Variants in RNF217 observed in about 807,000 individuals in gnomAD.
The protein encoded by RNF217 is E3 ubiquitin-protein ligase RNF217.
A neutral mutation model predicts 57.8 loss-of-function variants in RNF217; 31 were observed. The ratio of observed to expected loss-of-function variants is 0.54; its 90% CI spans 0.40 to 0.72. RNF217 has a LOEUF of 0.72. Ranked by LOEUF, RNF217 falls within the 30% of genes least tolerant of loss-of-function variation. RNF217 has a pLI of 0.00. For missense variants in RNF217, 696 were observed against 708.3 expected (o/e 0.98, Z 0.20); for synonymous variants, 313 against 294.0 (o/e 1.06, Z -0.66).
At position 124,962,732 on chromosome 6, in the gene RNF217, A is replaced by C. The variant is rs760296706; in HGVS notation, c.188A>C (p.Asp63Ala). 9 of 1,561,924 alleles carry C rather than the reference A, an allele frequency of 5.8e-6. No individual in the cohort carries two copies. Among genetic ancestry groups the C allele is most frequent in the Non-Finnish European group, 6.0e-6 (7 of 1,164,286 alleles). ...TGCGGAAGCGACTGGGGCTGCGCGG[A>C]CACCAGCGCCCCAGAGCCCGCGAGG... The part of the protein sequence containing the change: ...GGCGSDWGCA[D>A]TSAPEPARSL... The change falls in exon 1 of 6, where the codon GAC becomes GCC. Residue 63 changes from aspartate (D) to alanine (A), a missense_variant. Asp to Ala is a moderately radical substitution (Grantham distance 126). Around this residue, in one of 2 missense-constraint regions of RNF217, gnomAD observed 465 missense variants for 386.8 expected, o/e 1.20. Transcript: ENST00000521654. This position sits in a 1 kb window ranked among gnomAD's most constrained non-coding sequence, Gnocchi z 4.6.
At chr6:125,058,172 A>T in intron 3 of RNF217, 66 bp downstream of exon 3, 1 of 1,366,452 alleles carries the variant, frequency 7.3e-7, no homozygotes, top group South Asian at 1.6e-5. Flanking sequence ...CAATATTTAC[A>T]TTATTGAAGG....
At chr6:125,036,088 C>G (rs189256168) in intron 1 of RNF217, among the ~76,000 whole-genome samples, 6 of 151,970 alleles carry the variant, frequency 3.9e-5, no homozygotes, top group African/African-American at 9.7e-5. Context: ...CCCCCTACCC[C>G]CTGACAGGCC....
At chr6:125,036,553 AGCAAAAGAAACTATCATCAGAGTGAACAG>A (rs1226721216) in intron 1 of RNF217, among the ~76,000 whole-genome samples, 1 of 152,218 alleles carries the variant, frequency 6.6e-6, no homozygotes, top group East Asian at 1.9e-4. Context: ...GCTTCTGCAC[AGCAAAAGAAACTATCATCAGAGTGAACAG>A]GCAGCCTACA....
chr6:125,043,866 C>G (rs758909361), intron 1 of RNF217, among the ~76,000 whole-genome samples: 5 of 151,978 alleles, frequency 3.3e-5, no homozygotes, highest in Non-Finnish European at 7.4e-5. Context: ...ACAATTTATA[C>G]TTTTAACAGG....
intron 3 of RNF217, among the ~76,000 whole-genome samples, chr6:125,074,926 C>A (rs934197551): frequency 4.6e-5 from 7 of 152,148 alleles, no homozygotes; most frequent in African/African-American, 1.4e-4. Context: ...CCCGAAACAA[C>A]ACAATGAATA....
At chr6:125,043,912 T>G (rs940569404) in intron 1 of RNF217, among the ~76,000 whole-genome samples, 1 of 152,098 alleles carries the variant, frequency 6.6e-6, no homozygotes, top group African/African-American at 2.4e-5. Context: ...AAAGCCACCC[T>G]CTTTCATTTT....
At chr6:125,055,353 T>A (rs559133208) in intron 2 of RNF217, among the ~76,000 whole-genome samples, 2 of 152,174 alleles carry the variant, frequency 1.3e-5, no homozygotes, top group African/African-American at 4.8e-5. Context: ...GCAGTAGGAC[T>A]TGGTTGTTTA....
intron 1 of RNF217, among the ~76,000 whole-genome samples, chr6:125,031,636 C>G (rs1483186276): frequency 6.6e-6 from 1 of 152,200 alleles, no homozygotes; most frequent in Non-Finnish European, 1.5e-5. Context: ...TTCTCATCTC[C>G]ATCTGAGACC....
In RNF217 at chr6:125,088,555, C is replaced by G. The variant is rs1788841965; in HGVS notation, c.*5618C>G. ...TACCATATCACATACCTTACAAAAT[C>G]CCTATACATATTGCCAGTTTTAAAA... On this transcript the variant is annotated 3_prime_UTR_variant, in exon 6 of 6. Transcript: ENST00000521654. 6.6e-6 allele frequency: 1 copy of G among 152,110 alleles called. No homozygotes were observed. The highest frequency in any genetic ancestry group is 2.1e-4 in the South Asian group (1 of 4,828). 9.4% of individuals were successfully genotyped at this position (152,110 alleles called of 1,614,324 possible).
At chr6:125,041,894 C>T (rs1241915508) in intron 1 of RNF217, among the ~76,000 whole-genome samples, 1 of 151,806 alleles carries the variant, frequency 6.6e-6, no homozygotes, top group Non-Finnish European at 1.5e-5. Context: ...ATGCAGTATT[C>T]GGTTATGCAC....
At chr6:124,977,127 G>A (rs1438312044) in intron 1 of RNF217, among the ~76,000 whole-genome samples, 4 of 152,164 alleles carry the variant, frequency 2.6e-5, no homozygotes, top group African/African-American at 9.7e-5. Context: ...CAAATGAAGA[G>A]CTTCAGAGGG....
intron 1 of RNF217, among the ~76,000 whole-genome samples, chr6:125,025,082 G>A (rs140065066): frequency 1.5e-4 from 23 of 152,224 alleles, no homozygotes; most frequent in Non-Finnish European, 2.1e-4. Context: ...AGGAAAATCA[G>A]GAATGTGATG....
intron 3 of RNF217, among the ~76,000 whole-genome samples, chr6:125,063,121 G>T (rs1400197291): frequency 6.6e-6 from 1 of 152,068 alleles, no homozygotes; most frequent in Non-Finnish European, 1.5e-5. Context: ...AATTTTGTTG[G>T]AGGTATCAGA....
Position 125,086,375 on chromosome 6 carries a change from CT to C in RNF217, c.*3442del, listed in dbSNP as rs1788771615. 6.6e-6 allele frequency: 1 copy of C among 151,744 alleles called. No homozygotes were observed. Among genetic ancestry groups the C allele is most frequent in the Non-Finnish European group, 1.5e-5 (1 of 67,942 alleles). 9.4% of individuals were successfully genotyped at this position (151,744 alleles called of 1,614,324 possible). A position where few individuals can be genotyped will look rare whatever the true frequency, so the allele number is the denominator to read the frequency against. ...AGATAATGTGAGAGAGATGAATTGA[CT>C]TTTGGATTGCCTCATTTTAAAACTT... On this transcript the variant is annotated 3_prime_UTR_variant, in exon 6 of 6. Transcript: ENST00000521654.
rs528254332 is a variant in RNF217, at chr6:124,971,750, G to A, written c.882+8324G>A. ...ATTACAGGCGTGAGCCACGGCACCC[G>A]GCCGATTTACTGTTAAGTTTTAATG... is the stretch of plus-strand genomic sequence containing the variant. On this transcript the variant is annotated intron_variant, in intron 1 of 5. Transcript: ENST00000521654. Among the ~76,000 whole-genome samples, 22 of 152,284 alleles carry A rather than the reference G, an allele frequency of 1.4e-4. No homozygotes were observed. The East Asian group carries it at 2.9e-3, about 20-fold the overall frequency.
chr6:125,082,486 T>C (rs1788610795), intron 5 of RNF217: 4 of 1,612,312 alleles, frequency 2.5e-6, no homozygotes, highest in Non-Finnish European at 3.4e-6. Context: ...TCATAAGTGG[T>C]AGAACCAGGA....
At chr6:124,989,254 G>A (rs895005732) in intron 1 of RNF217, among the ~76,000 whole-genome samples, 4 of 152,036 alleles carry the variant, frequency 2.6e-5, no homozygotes, top group Non-Finnish European at 5.9e-5. Flanking sequence ...TATTCTTTTA[G>A]TATAACTACA....
intron 1 of RNF217, among the ~76,000 whole-genome samples, chr6:124,984,541 C>CA (rs750251821): frequency 0.047 from 3,459 of 73,916 alleles, 55 homozygotes; most frequent in Non-Finnish European, 0.062. Flanking sequence ...GACCCTTTCT[C>CA]AAAAAAAAAA....
At chr6:125,029,865 CTGTG>C (rs982264098) in intron 1 of RNF217, among the ~76,000 whole-genome samples, 1 of 152,124 alleles carries the variant, frequency 6.6e-6, no homozygotes, top group African/African-American at 2.4e-5. Context: ...GACGACAGCA[CTGTG>C]TAGGGTGGGA....
Sources: allele counts gnomAD v4.1 joint callset (sites outside exome capture counted in the v4.1 genomes callset), GRCh38; gene constraint gnomAD v4.1.1; regional missense constraint gnomAD v4.1.1; non-coding constraint Gnocchi (gnomAD v3.1); transcripts MANE v1.5; gene names NCBI Gene and HGNC (gene_info 2026-07-23, HGNC 2026-07-21).